Variants in ATRNL1 observed in about 807,000 individuals in gnomAD.
The protein encoded by ATRNL1 is attractin-like protein 1.
In ATRNL1, 95 loss-of-function variants were observed where a neutral mutation model predicts 182.7. The ratio of observed to expected loss-of-function variants is 0.52; its 90% CI spans 0.44 to 0.62. The LOEUF (loss-of-function observed/expected upper bound fraction) is 0.62. Ranked by LOEUF, ATRNL1 falls within the 20% of genes least tolerant of loss-of-function variation. The pLI, the probability that ATRNL1 is intolerant of heterozygous loss-of-function variation, is 0.00. For synonymous variants in ATRNL1, 576 were observed against 568.3 expected (o/e 1.01, Z -0.19); for missense variants, 1,471 against 1,679.5 (o/e 0.88, Z 2.17).
chr10:115,790,635 TAA>T (rs34894694), intron 27 of ATRNL1, among the ~76,000 whole-genome samples: 1,562 of 140,094 alleles, frequency 0.011, 32 homozygotes, highest in African/African-American at 0.038. Flanking sequence ...TAACTTGACT[TAA>T]AAAAAAAAAA....
chr10:115,678,909 A>T (rs2133945319), intron 26 of ATRNL1, among the ~76,000 whole-genome samples: 1 of 152,262 alleles, frequency 6.6e-6, no homozygotes, highest in East Asian at 1.9e-4. Context: ...GATAAAAGAA[A>T]GTATCTCCTC....
At chr10:115,650,197 C>T (rs564942290) in intron 26 of ATRNL1, among the ~76,000 whole-genome samples, 1 of 152,150 alleles carries the variant, frequency 6.6e-6, no homozygotes, top group Admixed American at 6.6e-5. Flanking sequence ...TATTATAGTA[C>T]TTAAGCTGTG....
At chr10:115,119,380 T>C (rs1296570469) in intron 1 of ATRNL1, among the ~76,000 whole-genome samples, 1 of 151,962 alleles carries the variant, frequency 6.6e-6, no homozygotes, top group Non-Finnish European at 1.5e-5. Context: ...ATGTAAAAAC[T>C]GATTAGCTGT....
At position 115,611,804 on chromosome 10, in the gene ATRNL1, G is replaced by A. The variant is rs546383228; in HGVS notation, c.3795+62268G>A. Among the ~76,000 whole-genome samples the A allele has an allele frequency of 2.6e-5, 4 of 152,042 alleles. No individual in the cohort carries two copies. In the East Asian group the frequency reaches 5.8e-4, roughly 22 times the overall value. On this transcript the variant is annotated intron_variant, in intron 26 of 28. Transcript: ENST00000355044. ...CAGTAATGTAGGGAATTTTATTGACGGGATGTGTTAATCAGAGCAACCTCT... is the reference window on the plus strand; with the variant it reads ...CAGTAATGTAGGGAATTTTATTGACAGGATGTGTTAATCAGAGCAACCTCT...
rs368858043 is a variant in ATRNL1 at position 115,521,387 on chromosome 10, A to G, written c.3716+2063A>G. Among the ~76,000 whole-genome samples, 29 of 152,216 alleles carry G rather than the reference A, an allele frequency of 1.9e-4. 1 individual carries two copies. In the East Asian group the frequency reaches 3.5e-3, roughly 18 times the overall value. On this transcript the variant is annotated intron_variant, in intron 25 of 28. Transcript: ENST00000355044. ...AGGGTGGTCTCGATCTCCTGACCTC[A>G]GATGATCTGCCCACCTCGGCCTCCC...
At chr10:115,391,212 G>T (rs1249428738) in intron 19 of ATRNL1, among the ~76,000 whole-genome samples, 1 of 152,166 alleles carries the variant, frequency 6.6e-6, no homozygotes, top group Non-Finnish European at 1.5e-5. Flanking sequence ...AACAGAAGTG[G>T]TAAAGGTGGA....
intron 28 of ATRNL1, among the ~76,000 whole-genome samples, chr10:115,920,454 G>A (rs1953016277): frequency 6.6e-6 from 1 of 152,216 alleles, no homozygotes; most frequent in African/African-American, 2.4e-5. Flanking sequence ...GTAACATGAA[G>A]ACTGTAATTC....
intron 28 of ATRNL1, among the ~76,000 whole-genome samples, chr10:115,864,462 A>G (rs1382980039): frequency 1.3e-5 from 2 of 152,224 alleles, no homozygotes; most frequent in Admixed American, 6.5e-5. Flanking sequence ...AAAACAACAC[A>G]TTTGTATAGT....
At chr10:115,810,349 A>G (rs781806665) in intron 27 of ATRNL1, among the ~76,000 whole-genome samples, 2 of 151,932 alleles carry the variant, frequency 1.3e-5, no homozygotes, top group African/African-American at 2.4e-5. Flanking sequence ...GAGAGTTTGC[A>G]TAGAATTGAT....
intron 24 of ATRNL1, among the ~76,000 whole-genome samples, chr10:115,492,286 T>A (rs1311585325): frequency 1.3e-5 from 2 of 152,172 alleles, no homozygotes; most frequent in Admixed American, 6.5e-5. Flanking sequence ...TATTAACTTG[T>A]ATTGTTTCAA....
At chr10:115,392,540 G>A (rs581518) in intron 19 of ATRNL1, among the ~76,000 whole-genome samples, 59,053 of 151,884 alleles carry the variant, frequency 0.39, 12,626 homozygotes, top group African/African-American at 0.57. Flanking sequence ...TTCATTCTTA[G>A]CCTAGTATTT....
At chr10:115,682,101 T>G (rs1555044907) in intron 26 of ATRNL1, among the ~76,000 whole-genome samples, 2 of 152,152 alleles carry the variant, frequency 1.3e-5, no homozygotes, top group African/African-American at 4.8e-5. Flanking sequence ...AAAACTCTGT[T>G]GGATTTTCCT....
At chr10:115,143,179 A>C (rs1264794) in intron 5 of ATRNL1, among the ~76,000 whole-genome samples, 43,252 of 152,088 alleles carry the variant, frequency 0.28, 6,321 homozygotes, top group Non-Finnish European at 0.31. Context: ...ACTGTGGGTC[A>C]CAACAAAATT....
At chr10:115,882,403 C>T (rs1951845995) in intron 28 of ATRNL1, among the ~76,000 whole-genome samples, 1 of 152,230 alleles carries the variant, frequency 6.6e-6, no homozygotes, top group South Asian at 2.1e-4. Context: ...CAGGTTCTGA[C>T]ACCCACATTG....
chr10:115,148,506 T>A (rs1254476287), intron 5 of ATRNL1, among the ~76,000 whole-genome samples: 1 of 152,180 alleles, frequency 6.6e-6, no homozygotes, highest in Non-Finnish European at 1.5e-5. Flanking sequence ...TGGACATCTT[T>A]GTCTTCCTCC....
chr10:115,353,554 T>C (rs1187428937), intron 19 of ATRNL1, among the ~76,000 whole-genome samples: 3 of 152,204 alleles, frequency 2.0e-5, no homozygotes, highest in African/African-American at 7.2e-5. Context: ...ATTTAGTCCA[T>C]TTACATTCAG....
intron 21 of ATRNL1, among the ~76,000 whole-genome samples, chr10:115,449,162 G>A (rs1554967191): frequency 2.6e-5 from 4 of 152,156 alleles, no homozygotes; most frequent in Admixed American, 1.3e-4. Context: ...TTCCAAAATC[G>A]CCCTGGCCCA....
At chr10:115,277,727 T>A (rs1554915274) in intron 13 of ATRNL1, among the ~76,000 whole-genome samples, 2 of 152,164 alleles carry the variant, frequency 1.3e-5, no homozygotes, top group Non-Finnish European at 2.9e-5. Context: ...TAGGTATTGA[T>A]AATATGTGAA....
chr10:115,790,213 C>G (rs150345854), intron 27 of ATRNL1, among the ~76,000 whole-genome samples: 1 of 151,096 alleles, frequency 6.6e-6, no homozygotes, highest in Non-Finnish European at 1.5e-5. Context: ...CACCCAGCCT[C>G]TACCCAGTGG....
Sources: allele counts gnomAD v4.1 joint callset (sites outside exome capture counted in the v4.1 genomes callset), GRCh38; gene constraint gnomAD v4.1.1; transcripts MANE v1.5; gene names NCBI Gene and HGNC (gene_info 2026-07-23, HGNC 2026-07-21).